Variants in ZDHHC15 observed in about 807,000 individuals in gnomAD.
ZDHHC15 encodes the protein palmitoyltransferase ZDHHC15.
Under a neutral mutation model 31.7 loss-of-function variants are expected in ZDHHC15, and 19 were observed. The ratio of observed to expected loss-of-function variants is 0.60; its 90% CI spans 0.42 to 0.88. ZDHHC15 has a LOEUF of 0.88. Ranked by LOEUF, ZDHHC15 falls within the 40% of genes least tolerant of loss-of-function variation. The probability of loss-of-function intolerance (pLI) is 0.00; values close to 1 mark genes in which losing one functional copy is unlikely to be tolerated. For synonymous variants in ZDHHC15, 103 were observed against 90.0 expected (o/e 1.14, Z -0.82); for missense variants, 209 against 251.2 (o/e 0.83, Z 1.14).
At chrX:75,487,657 C>G (rs955745648) in intron 2 of ZDHHC15, among the ~76,000 whole-genome samples, 1 of 111,901 alleles carries the variant, frequency 8.9e-6, no homozygotes, top group Non-Finnish European at 1.9e-5. Flanking sequence ...ACTAGCTCTC[C>G]AGCAATTGAT....
intron 1 of ZDHHC15, among the ~76,000 whole-genome samples, chrX:75,510,822 C>G (rs957688229): frequency 1.4e-5 from 1 of 69,134 alleles, no homozygotes; most frequent in Non-Finnish European, 2.7e-5. Flanking sequence ...TGAGAATATG[C>G]GGTGTTTGGT....
chrX:75,505,711 C>T, intron 2 of ZDHHC15, 110 bp downstream of exon 2: 3 of 905,731 alleles, frequency 3.3e-6, no homozygotes. Context: ...TTCTCCTCAC[C>T]CAAGTTTATT....
chrX:75,373,924 C>CTCTTTTTTT (rs1298329750), intron 11 of ZDHHC15, among the ~76,000 whole-genome samples: 1 of 19,055 alleles, frequency 5.2e-5, no homozygotes, highest in Non-Finnish European at 1.6e-4. Flanking sequence ...TTCATTCTTT[C>CTCTTTTTTT]TGTTTTTTTT....
intron 3 of ZDHHC15, among the ~76,000 whole-genome samples, chrX:75,477,889 T>C (rs1185674415): frequency 8.9e-6 from 1 of 111,853 alleles, no homozygotes; most frequent in Non-Finnish European, 1.9e-5. Flanking sequence ...ACTTCTGTCA[T>C]TTTACTCTTT....
intron 10 of ZDHHC15, among the ~76,000 whole-genome samples, chrX:75,415,491 G>A (rs761357394): frequency 1.6e-4 from 18 of 112,119 alleles, no homozygotes; most frequent in Admixed American, 4.7e-4. Flanking sequence ...ATCACTAAAT[G>A]GCATGCAATC....
At chrX:75,474,810 C>T (rs2084574346) in intron 3 of ZDHHC15, among the ~76,000 whole-genome samples, 1 of 110,443 alleles carries the variant, frequency 9.1e-6, no homozygotes, top group Non-Finnish European at 1.9e-5. Context: ...GTAATCCCAG[C>T]ACTTTGGGAG....
rs1376030170 is a variant in ZDHHC15 at position 75,450,989 on chromosome X, C to A, written c.259-67G>T. 7 of 1,116,142 alleles carry A rather than the reference C, an allele frequency of 6.3e-6. No homozygotes were observed. In the African/African-American group the frequency reaches 1.3e-4, roughly 21 times the overall value. 92.0% of individuals were successfully genotyped at this position (1,116,142 alleles called of 1,213,427 possible). On this transcript the variant is annotated intron_variant, in intron 3 of 11. Coordinates refer to ENST00000373367, the MANE Select transcript of ZDHHC15 (RefSeq NM_144969.3). ...TAATAGAAAAGATTAAAACCAACAA[C>A]AATAACTACTTTAATGAAATTATTT...
chrX:75,518,171 G>T (rs1334253902), intron 1 of ZDHHC15, among the ~76,000 whole-genome samples: 1 of 111,413 alleles, frequency 9.0e-6, no homozygotes, highest in Admixed American at 9.5e-5. Flanking sequence ...AAATCTTTGT[G>T]TATAAAATGA....
chrX:75,451,770 A>G (rs1376537507), intron 3 of ZDHHC15, among the ~76,000 whole-genome samples: 1 of 111,804 alleles, frequency 8.9e-6, no homozygotes, highest in Non-Finnish European at 1.9e-5. Flanking sequence ...ATAACAGGTA[A>G]ATAAAAATCT....
intron 3 of ZDHHC15, among the ~76,000 whole-genome samples, chrX:75,453,846 T>C (rs2084169221): frequency 9.0e-6 from 1 of 111,594 alleles, no homozygotes; most frequent in African/African-American, 3.3e-5. Flanking sequence ...CAGCCATTCA[T>C]GCTAAAAACT....
chrX:75,437,389 A>C (rs1602622000), intron 4 of ZDHHC15, among the ~76,000 whole-genome samples: 1 of 90,152 alleles, frequency 1.1e-5, no homozygotes, highest in Non-Finnish European at 2.1e-5. Context: ...GCACCCACTA[A>C]CTCGTCATCT....
intron 4 of ZDHHC15, among the ~76,000 whole-genome samples, chrX:75,440,492 G>T (rs2083924143): frequency 8.9e-6 from 1 of 112,026 alleles, no homozygotes; most frequent in South Asian, 3.7e-4. Flanking sequence ...TGTTAGCCAG[G>T]ATGGTCTCGA....
At chrX:75,460,043 T>C (rs759333308) in intron 3 of ZDHHC15, among the ~76,000 whole-genome samples, 1 of 112,063 alleles carries the variant, frequency 8.9e-6, no homozygotes, top group Non-Finnish European at 1.9e-5. Flanking sequence ...ACCTGGCTAA[T>C]TTTGTATTTT....
At chrX:75,386,458 G>T (rs183179616) in intron 10 of ZDHHC15, among the ~76,000 whole-genome samples, 2 of 112,039 alleles carry the variant, frequency 1.8e-5, no homozygotes, top group Non-Finnish European at 3.8e-5. Flanking sequence ...GTTTAGTTCA[G>T]AAAAGTTCAG....
chrX:75,506,077 G>T (rs1159777036), intron 1 of ZDHHC15, among the ~76,000 whole-genome samples: 2 of 111,579 alleles, frequency 1.8e-5, no homozygotes, highest in African/African-American at 6.5e-5. Context: ...CCTTCAGCAA[G>T]GCTTTCAATC....
At position 75,424,501 on chromosome X, in the gene ZDHHC15, G is replaced by A. The variant is rs188661535; in HGVS notation, c.736+151C>T. ...TTCACTCACTATGCCTTTCTATTTCGGTAAAATGTATTTTCATCTGTCTCA... is the reference window on the plus strand; with the variant it reads ...TTCACTCACTATGCCTTTCTATTTCAGTAAAATGTATTTTCATCTGTCTCA... On this transcript the variant is annotated intron_variant, in intron 8 of 11. Transcript: ENST00000373367. The A allele has an allele frequency of 9.3e-5, 53 of 566,918 alleles. No homozygotes were observed. The South Asian group carries it at 2.3e-3, about 24-fold the overall frequency. The allele number at this position is 566,918 out of a possible 1,213,427, so 46.7% of individuals were successfully genotyped here. A position where few individuals can be genotyped will look rare whatever the true frequency, so the allele number is the denominator to read the frequency against.
intron 1 of ZDHHC15, among the ~76,000 whole-genome samples, chrX:75,518,792 TATATATATATATATACACACAC>T (rs2085401494): frequency 7.6e-5 from 2 of 26,229 alleles, no homozygotes; most frequent in African/African-American, 2.2e-4. Flanking sequence ...TATATATATA[TATATATATATATATACACACAC>T]ACACACACAC....
chrX:75,486,079 G>T (rs1276352202), intron 2 of ZDHHC15, among the ~76,000 whole-genome samples: 3 of 112,218 alleles, frequency 2.7e-5, no homozygotes, highest in Non-Finnish European at 5.6e-5. Flanking sequence ...GCAGCTTGCT[G>T]CTGCAAATGC....
At chrX:75,495,114 G>C (rs987445003) in intron 2 of ZDHHC15, among the ~76,000 whole-genome samples, 2 of 111,522 alleles carry the variant, frequency 1.8e-5, no homozygotes, top group Non-Finnish European at 3.8e-5. Context: ...TCAAAAAGTG[G>C]GCAAAGGATT....
Sources: allele counts gnomAD v4.1 joint callset (sites outside exome capture counted in the v4.1 genomes callset), GRCh38; gene constraint gnomAD v4.1.1; transcripts MANE v1.5; gene names NCBI Gene and HGNC (gene_info 2026-07-23, HGNC 2026-07-21).